IGSF11: variants seen among roughly 807,000 people sequenced by gnomAD.
The protein encoded by IGSF11 is immunoglobulin superfamily member 11.
In IGSF11, 22 loss-of-function variants were observed where a neutral mutation model predicts 41.0. That is an observed-to-expected ratio of 0.54 (90% CI 0.38 to 0.77). The LOEUF (loss-of-function observed/expected upper bound fraction) is 0.77, where lower values mean the gene tolerates loss of function less well. Ranked by LOEUF, IGSF11 falls within the 30% of genes least tolerant of loss-of-function variation. The pLI is 0.00. For missense variants in IGSF11, 444 were observed against 530.8 expected, an observed-to-expected ratio of 0.84 and a Z score of 1.61; for synonymous variants, 219 against 201.3, an observed-to-expected ratio of 1.09 and a Z score of -0.74.
intron 1 of IGSF11, among the ~76,000 whole-genome samples, chr3:119,001,257 G>C (rs892901741): frequency 2.0e-5 from 3 of 149,844 alleles, no homozygotes; most frequent in Non-Finnish European, 4.4e-5. Flanking sequence ...CATAGTACTT[G>C]CCGTCCTCTA....
intron 1 of IGSF11, among the ~76,000 whole-genome samples, chr3:119,051,192 A>T (rs545370618): frequency 3.3e-5 from 5 of 151,810 alleles, no homozygotes; most frequent in African/African-American, 1.2e-4. Context: ...TCAAAAAAAA[A>T]ATCCCACAAA....
intron 1 of IGSF11, among the ~76,000 whole-genome samples, chr3:119,006,490 T>C (rs1171768614): frequency 2.3e-5 from 3 of 131,008 alleles, no homozygotes; most frequent in African/African-American, 3.3e-5. Context: ...CATCCAGCTT[T>C]GTTCCGTTGC....
chr3:119,111,868 T>G (rs568296930), intron 1 of IGSF11, among the ~76,000 whole-genome samples: 2 of 152,346 alleles, frequency 1.3e-5, no homozygotes, highest in South Asian at 4.1e-4. Flanking sequence ...CCAGACCCTG[T>G]TTGCCTGGGT....
intron 1 of IGSF11, among the ~76,000 whole-genome samples, chr3:119,088,575 A>C (rs924751774): frequency 1.3e-5 from 2 of 152,206 alleles, no homozygotes; most frequent in Admixed American, 1.3e-4. Flanking sequence ...CAAAGCTAGT[A>C]GAAGAAAAGA....
chr3:118,925,416 C>T (rs771484715), intron 4 of IGSF11, among the ~76,000 whole-genome samples: 3 of 152,100 alleles, frequency 2.0e-5, no homozygotes, highest in African/African-American at 7.2e-5. Context: ...TTAGAGATGA[C>T]GTAATATTCG....
intron 1 of IGSF11, among the ~76,000 whole-genome samples, chr3:119,051,792 G>A (rs1311365245): frequency 6.6e-6 from 1 of 152,110 alleles, no homozygotes; most frequent in East Asian, 1.9e-4. Context: ...TCAGACCACA[G>A]TGGAATAAGA....
chr3:118,979,258 T>A (rs1934454825), intron 1 of IGSF11, among the ~76,000 whole-genome samples: 1 of 152,208 alleles, frequency 6.6e-6, no homozygotes, highest in African/African-American at 2.4e-5. Context: ...AAAGCCCTCA[T>A]GACATATGGG....
chr3:118,997,074 G>A (rs1396054452), intron 1 of IGSF11, among the ~76,000 whole-genome samples: 1 of 149,926 alleles, frequency 6.7e-6, no homozygotes, highest in African/African-American at 2.5e-5. Flanking sequence ...GTGACCCTAT[G>A]GCAACTGGTA....
rs368333229 is a variant in IGSF11 at position 119,041,037 on chromosome 3, TA to T, written c.49+64106del. Among the ~76,000 whole-genome samples, 319 of 152,272 alleles carry T rather than the reference TA, an allele frequency of 2.1e-3. 1 individual carries two copies. Among genetic ancestry groups the T allele is most frequent in the Middle Eastern group, 6.8e-3 (2 of 294 alleles). On this transcript the variant is annotated intron_variant, in intron 1 of 6. Transcript: ENST00000354673. ...GAAAACTTAAAGCCTCAAATGTTTA[TA>T]ACAGAAAATATGAAAACCTAAACAC...
At chr3:118,979,419 G>T (rs1453321809) in intron 1 of IGSF11, among the ~76,000 whole-genome samples, 1 of 151,956 alleles carries the variant, frequency 6.6e-6, no homozygotes, top group Non-Finnish European at 1.5e-5. Flanking sequence ...TCTCCAAATA[G>T]GTACAATGTA....
chr3:119,077,318 A>G (rs960611256), intron 1 of IGSF11, among the ~76,000 whole-genome samples: 19 of 152,204 alleles, frequency 1.2e-4, no homozygotes, highest in Middle Eastern at 3.4e-3. Context: ...ACCTAATGTA[A>G]ATGACGAGTT....
chr3:119,106,954 A>T (rs1233629409), upstream of IGSF11, among the ~76,000 whole-genome samples: 2 of 152,186 alleles, frequency 1.3e-5, no homozygotes, highest in Non-Finnish European at 2.9e-5. Context: ...TCTATGGTGT[A>T]TATGGTTCAC....
At chr3:118,980,326 G>A (rs188049359) in intron 1 of IGSF11, among the ~76,000 whole-genome samples, 1 of 152,244 alleles carries the variant, frequency 6.6e-6, no homozygotes, top group Admixed American at 6.5e-5. Context: ...TTTATACAAT[G>A]GAAATCTATT....
At chr3:118,946,682 A>C (rs551219027) in intron 1 of IGSF11, among the ~76,000 whole-genome samples, 4 of 152,326 alleles carry the variant, frequency 2.6e-5, no homozygotes, top group African/African-American at 9.6e-5. Context: ...AAACCAGAAA[A>C]TCTAGAAAGG....
intron 1 of IGSF11, among the ~76,000 whole-genome samples, chr3:119,018,667 C>T (rs941178889): frequency 6.6e-6 from 1 of 152,192 alleles, no homozygotes; most frequent in East Asian, 1.9e-4. Context: ...ATCTATCTCA[C>T]GGGCTTAATG....
chr3:118,974,700 C>T (rs954439731), intron 1 of IGSF11, among the ~76,000 whole-genome samples: 11 of 152,146 alleles, frequency 7.2e-5, no homozygotes, highest in African/African-American at 2.4e-4. Context: ...ATTCTCCTTC[C>T]TCCTTTTCTC....
At chr3:119,017,584 C>G (rs977238366) in intron 1 of IGSF11, among the ~76,000 whole-genome samples, 5 of 152,018 alleles carry the variant, frequency 3.3e-5, no homozygotes, top group Admixed American at 2.0e-4. Flanking sequence ...AGGAATTGAG[C>G]CATGTGATCT....
chr3:118,980,078 G>A (rs7613076), intron 1 of IGSF11, among the ~76,000 whole-genome samples: 61,684 of 151,920 alleles, frequency 0.41, 16,022 homozygotes, highest in African/African-American at 0.73. Context: ...GTAAATTAGT[G>A]CAGCCACTAT....
intron 1 of IGSF11, among the ~76,000 whole-genome samples, chr3:119,023,245 A>G (rs72970461): frequency 0.23 from 28,253 of 122,662 alleles, 3,321 homozygotes; most frequent in African/African-American, 0.37. Flanking sequence ...CCTGGGCGAC[A>G]GAGCGAGACT....
Sources: allele counts gnomAD v4.1 joint callset (sites outside exome capture counted in the v4.1 genomes callset), GRCh38; gene constraint gnomAD v4.1.1; transcripts MANE v1.5; gene names NCBI Gene and HGNC (gene_info 2026-07-23, HGNC 2026-07-21).